The following ARMC7 variants were observed in gnomAD, a reference collection of about 807,000 sequenced individuals.
The protein encoded by ARMC7 is armadillo repeat-containing protein 7.
Under a neutral mutation model 14.8 loss-of-function variants are expected in ARMC7, and 9 were observed. The ratio of observed to expected loss-of-function variants is 0.61; its 90% CI spans 0.37 to 1.06. The LOEUF (loss-of-function observed/expected upper bound fraction) is 1.06. Ranked by LOEUF, ARMC7 falls within the 50% of genes least tolerant of loss-of-function variation. The pLI is 0.01. For synonymous variants in ARMC7, 125 were observed against 123.4 expected (o/e 1.01, Z -0.09); for missense variants, 262 against 267.1 (o/e 0.98, Z 0.13).
intron 2 of ARMC7, among the ~76,000 whole-genome samples, chr17:75,119,195 T>C (rs2073994351): frequency 6.6e-6 from 1 of 152,164 alleles, no homozygotes; most frequent in Non-Finnish European, 1.5e-5. Context: ...TCACAGGGGA[T>C]TATTTGTTCT....
rs1262570007 is a variant in ARMC7, at chr17:75,129,237, A to G, written c.*199A>G. 2.7e-6 allele frequency: 2 copies of G among 745,978 alleles called. No homozygotes were observed. The highest frequency in any genetic ancestry group is 4.2e-6 in the Non-Finnish European group (2 of 477,254). 46.2% of individuals were successfully genotyped at this position (745,978 alleles called of 1,614,324 possible). A position where few individuals can be genotyped will look rare whatever the true frequency, so the allele number is the denominator to read the frequency against. ...AAGCCAGACTCCAGAGACACGGAGA[A>G]GATCAAACTGGAGCTGCGTTCATAG... On this transcript the variant is annotated 3_prime_UTR_variant, in exon 3 of 3. Coordinates refer to ENST00000245543, the MANE Select transcript of ARMC7 (RefSeq NM_024585.4).
At position 75,128,624 on chromosome 17, in the gene ARMC7, G is replaced by A. The variant is rs552749864; in HGVS notation, c.236-53G>A. 168 of 1,562,268 alleles carry A rather than the reference G, an allele frequency of 1.1e-4. No homozygotes were observed. The African/African-American group carries it at 2.0e-3, about 19-fold the overall frequency. On this transcript the variant is annotated intron_variant, in intron 2 of 2. Coordinates refer to ENST00000245543, the MANE Select transcript of ARMC7 (RefSeq NM_024585.4). ...TACCTGGGGCTCACGGGCAGGGGAG[G>A]TGGGAGGAGGCCCGGGGCTACAGCA...
At chr17:75,113,419 A>T (rs1396083357) in intron 2 of ARMC7, among the ~76,000 whole-genome samples, 2 of 150,190 alleles carry the variant, frequency 1.3e-5, no homozygotes, top group African/African-American at 4.9e-5. Flanking sequence ...CAGTGGCGCG[A>T]TCTCGGCTCA....
chr17:75,124,118 C>T (rs911817631), intron 2 of ARMC7, among the ~76,000 whole-genome samples: 1 of 152,174 alleles, frequency 6.6e-6, no homozygotes, highest in Non-Finnish European at 1.5e-5. Context: ...GGTCCTCTGG[C>T]GCCATCTTGG....
rs2145140261 is a variant in ARMC7, at chr17:75,130,208, A to G, written c.*1170A>G. 2.5e-6 allele frequency: 1 copy of G among 396,914 alleles called. No homozygotes were observed. The highest frequency in any genetic ancestry group is 4.6e-6 in the Non-Finnish European group (1 of 216,944). The allele number at this position is 396,914 out of a possible 1,614,324, so 24.6% of individuals were successfully genotyped here. Reference sequence around the variant, plus strand: ...GGGAGCCTGTCCCTTTATGTTCCCAAATAAAGGGTCCTAGAAGACTAGAAA... The same window carrying G: ...GGGAGCCTGTCCCTTTATGTTCCCAGATAAAGGGTCCTAGAAGACTAGAAA... On this transcript the variant is annotated 3_prime_UTR_variant, in exon 3 of 3. Transcript: ENST00000245543.
At position 75,128,157 on chromosome 17, in the gene ARMC7, C is replaced by T. The variant is rs1044292667; in HGVS notation, c.236-520C>T. Among the ~76,000 whole-genome samples the T allele has an allele frequency of 4.6e-5, 7 of 152,230 alleles. No individual in the cohort carries two copies. In the East Asian group the frequency reaches 1.3e-3, roughly 29 times the overall value. On this transcript the variant is annotated intron_variant, in intron 2 of 2. Coordinates refer to ENST00000245543, the MANE Select transcript of ARMC7 (RefSeq NM_024585.4). ...TGATGCAATCTCGGCTCACTGCAAC[C>T]TCCGAGTCCCAGGTTCAAGCAATTC...
intron 2 of ARMC7, among the ~76,000 whole-genome samples, chr17:75,119,641 T>C (rs1331082136): frequency 4.6e-5 from 6 of 129,450 alleles, no homozygotes; most frequent in East Asian, 4.8e-4. Context: ...TTTTTTTTTT[T>C]AGTAGAGACA....
Position 75,129,097 on chromosome 17 carries a change from G to T in ARMC7, c.*59G>T, listed in dbSNP as rs11869969. 1,568 of 1,532,466 alleles carry T rather than the reference G, an allele frequency of 1.0e-3. 15 individuals are homozygous for T. The African/African-American group carries it at 0.019, about 19-fold the overall frequency. The allele number at this position is 1,532,466 out of a possible 1,614,324, so 94.9% of individuals were successfully genotyped here. On this transcript the variant is annotated 3_prime_UTR_variant, in exon 3 of 3. Coordinates refer to ENST00000245543, the MANE Select transcript of ARMC7 (RefSeq NM_024585.4). ...TGCTGGAGACCACAGTCCTGATGTG[G>T]ACGCAGGGAACGGGGAGCACATACT...
chr17:75,130,215 G>T lies in ARMC7; in HGVS notation c.*1177G>T. The T allele has an allele frequency of 4.8e-6, 2 of 419,768 alleles. No homozygotes were observed. The highest frequency in any genetic ancestry group is 8.7e-6 in the Non-Finnish European group (2 of 231,012). The allele number at this position is 419,768 out of a possible 1,614,324, so 26.0% of individuals were successfully genotyped here. A position where few individuals can be genotyped will look rare whatever the true frequency, so the allele number is the denominator to read the frequency against. On this transcript the variant is annotated 3_prime_UTR_variant, in exon 3 of 3. Coordinates refer to ENST00000245543, the MANE Select transcript of ARMC7 (RefSeq NM_024585.4). ...TGTCCCTTTATGTTCCCAAATAAAG[G>T]GTCCTAGAAGACTAGAAAGCCAAGG...
At chr17:75,126,391 C>A (rs762848401) in intron 2 of ARMC7, among the ~76,000 whole-genome samples, 1 of 152,186 alleles carries the variant, frequency 6.6e-6, no homozygotes, top group South Asian at 2.1e-4. Flanking sequence ...TGATCTGTCA[C>A]TGTTGCCTTT....
Position 75,128,963 on chromosome 17 carries a change from C to G in ARMC7, c.522C>G (p.Ala174=), listed in dbSNP as rs111481882. Residue 174 remains alanine, a synonymous_variant, in exon 3 of 3, where the codon GCC becomes GCG. Transcript: ENST00000245543. The part of the protein sequence containing the change: ...LEDFCSPRQV[A]EARSRQAHSA... ...ACTTCTGCTCCCCCCGCCAGGTGGC[C>G]GAGGCCCGCAGCCGGCAGGCGCACT... 6.2e-7 allele frequency: 1 copy of G among 1,604,330 alleles called. No individual in the cohort carries two copies. The highest frequency in any genetic ancestry group is 1.3e-5 in the African/African-American group (1 of 75,042).
intron 2 of ARMC7, chr17:75,114,923 G>C: frequency 2.6e-6 from 1 of 384,790 alleles, no homozygotes; most frequent in Non-Finnish European, 4.6e-6. Context: ...GTCTCTGCTT[G>C]GGGATCCCCG....
chr17:75,112,097 G>A (rs2073927958), intron 2 of ARMC7, among the ~76,000 whole-genome samples: 1 of 146,700 alleles, frequency 6.8e-6, no homozygotes, highest in South Asian at 2.1e-4. Flanking sequence ...ATTTTAGCCG[G>A]GACACAGCAT....
At chr17:75,125,689 A>G (rs1032456540) in intron 2 of ARMC7, among the ~76,000 whole-genome samples, 5 of 151,948 alleles carry the variant, frequency 3.3e-5, no homozygotes, top group African/African-American at 7.3e-5. Context: ...AATACAAAAA[A>G]AAAATTAGCC....
intron 2 of ARMC7, among the ~76,000 whole-genome samples, chr17:75,112,226 A>G (rs1486092164): frequency 6.6e-6 from 1 of 152,232 alleles, no homozygotes; most frequent in Non-Finnish European, 1.5e-5. Context: ...CAGAGCTTGC[A>G]GGAGTTTAGA....
At position 75,128,944 on chromosome 17, in the gene ARMC7, G is replaced by C. The variant is rs746201908; in HGVS notation, c.503G>C (p.Cys168Ser). ...GCACAGATCTTCCTGGAGGACTTCT[G>C]CTCCCCCCGCCAGGTGGCCGAGGCC... is the stretch of plus-strand genomic sequence containing the variant. ...NLAQIFLEDFCSPRQVAEARS... is the reference protein window; with the variant it reads ...NLAQIFLEDFSSPRQVAEARS... Residue 168 changes from cysteine to serine, a missense_variant, in exon 3 of 3, where the codon TGC (cysteine) becomes TCC (serine). Transcript: ENST00000245543. 6.2e-7 allele frequency: 1 copy of C among 1,606,356 alleles called. No homozygotes were observed. The highest frequency in any genetic ancestry group is 8.5e-7 in the Non-Finnish European group (1 of 1,179,586).
intron 2 of ARMC7, among the ~76,000 whole-genome samples, chr17:75,110,953 CAAAAAAA>C (rs537195116): frequency 6.0e-5 from 3 of 49,794 alleles, no homozygotes; most frequent in Non-Finnish European, 1.2e-4. Context: ...GACCCCGTCT[CAAAAAAA>C]AAAAAAAAAA....
intron 2 of ARMC7, among the ~76,000 whole-genome samples, chr17:75,117,576 C>CA (rs2073982274): frequency 6.6e-6 from 1 of 152,164 alleles, no homozygotes; most frequent in Admixed American, 6.5e-5. Context: ...GGATGGGGCA[C>CA]AGATCATAGG....
chr17:75,115,307 A>AG (rs982773408), intron 2 of ARMC7, among the ~76,000 whole-genome samples: 17 of 152,116 alleles, frequency 1.1e-4, no homozygotes, highest in East Asian at 3.9e-4. Flanking sequence ...TGGGAGGCCG[A>AG]GGGGGGTGGA....
Sources: gnomAD v4.1 joint callset for allele counts (sites outside exome capture counted in the v4.1 genomes callset) on GRCh38, gnomAD v4.1.1 for gene constraint, MANE v1.5 for transcripts, NCBI Gene and HGNC (gene_info 2026-07-23, HGNC 2026-07-21) for gene names.